Variants in TRHDE observed in about 807,000 individuals in gnomAD.
TRHDE encodes thyrotropin-releasing hormone-degrading ectoenzyme.
TRHDE carries 72 observed loss-of-function variants against 125.7 expected under a neutral mutation model. The ratio of observed to expected loss-of-function variants is 0.57; its 90% CI spans 0.47 to 0.70. TRHDE has a LOEUF of 0.70. TRHDE is among the 30% of genes least tolerant of loss of function. TRHDE has a pLI of 0.00. For synonymous variants in TRHDE, 509 were observed against 509.1 expected (o/e 1.00, Z 0.00); for missense variants, 1,110 against 1,327.1 (o/e 0.84, Z 2.54).
At position 72,092,802 on chromosome 12, in the gene TRHDE, AC is replaced by A. The variant is rs1373126626; in HGVS notation, n.174+5364del. 2.0e-5 allele frequency among the ~76,000 whole-genome samples: 3 copies of A among 152,350 alleles called. No individual in the cohort carries two copies. In the South Asian group the frequency reaches 6.2e-4, roughly 32 times the overall value. On this transcript the variant is annotated intron_variant and non_coding_transcript_variant, in intron 1 of 4. Coordinates refer to the TRHDE transcript ENST00000548156. ...AGGTGACTATTGCTGGAAGAAAGGTACTAAAAATACTCTACAGTTAATGATT... is the reference window on the plus strand; with the variant it reads ...AGGTGACTATTGCTGGAAGAAAGGTATAAAAATACTCTACAGTTAATGATT...
intron 2 of TRHDE, among the ~76,000 whole-genome samples, chr12:72,345,325 T>C (rs1307557047): frequency 1.3e-5 from 2 of 152,138 alleles, no homozygotes; most frequent in Non-Finnish European, 2.9e-5. Flanking sequence ...ATGGTGTATA[T>C]ACTCACACTA....
chr12:72,451,010 G>A (rs1875543586), intron 3 of TRHDE, among the ~76,000 whole-genome samples: 1 of 152,022 alleles, frequency 6.6e-6, no homozygotes, highest in African/African-American at 2.4e-5. Context: ...TTTCACTATT[G>A]AGTTGTTTGA....
intron 2 of TRHDE, among the ~76,000 whole-genome samples, chr12:72,345,162 A>T (rs554814279): frequency 2.0e-5 from 3 of 152,280 alleles, no homozygotes; most frequent in Non-Finnish European, 4.4e-5. Context: ...ATGTTTTCTC[A>T]TTTTTTGTAT....
intron 2 of TRHDE, among the ~76,000 whole-genome samples, chr12:72,251,049 A>G (rs1326106611): frequency 6.6e-6 from 1 of 151,748 alleles, no homozygotes; most frequent in Non-Finnish European, 1.5e-5. Flanking sequence ...GTTTCTCCCA[A>G]TGCTAACATC....
chr12:72,163,641 T>G (rs1214824398), intron 2 of TRHDE, among the ~76,000 whole-genome samples: 1 of 152,206 alleles, frequency 6.6e-6, no homozygotes, highest in Non-Finnish European at 1.5e-5. Flanking sequence ...AGGCTGAGCA[T>G]CTGAGAGTAT....
chr12:72,563,203 T>C (rs1870267863), intron 9 of TRHDE, among the ~76,000 whole-genome samples, 163 bp downstream of exon 9: 1 of 152,152 alleles, frequency 6.6e-6, no homozygotes. Context: ...TTTACTCCCA[T>C]TTCCTGGATA....
intron 15 of TRHDE, among the ~76,000 whole-genome samples, chr12:72,629,908 A>C (rs1873410321): frequency 6.6e-6 from 1 of 151,534 alleles, no homozygotes; most frequent in South Asian, 2.1e-4. Flanking sequence ...ACTCTATTTC[A>C]AAATAAAAAT....
At chr12:72,496,159 C>T (rs944966239) in intron 5 of TRHDE, among the ~76,000 whole-genome samples, 10 of 152,258 alleles carry the variant, frequency 6.6e-5, no homozygotes, top group East Asian at 5.8e-4. Context: ...CATTTCAACA[C>T]GCATGTGTAC....
At chr12:72,139,292 T>G (rs1225893192) in intron 2 of TRHDE, among the ~76,000 whole-genome samples, 2 of 152,162 alleles carry the variant, frequency 1.3e-5, no homozygotes, top group African/African-American at 4.8e-5. Flanking sequence ...GTAAAATGGC[T>G]TTTAAGGGTA....
intron 2 of TRHDE, among the ~76,000 whole-genome samples, chr12:72,134,333 A>G (rs2139309941): frequency 6.6e-6 from 1 of 152,036 alleles, no homozygotes; most frequent in South Asian, 2.1e-4. Context: ...CCGGCTGGAG[A>G]AAAAAAAGTT....
At chr12:72,659,386 C>A (rs1874828278) in intron 18 of TRHDE, among the ~76,000 whole-genome samples, 1 of 152,130 alleles carries the variant, frequency 6.6e-6, no homozygotes, top group African/African-American at 2.4e-5. Context: ...GACTATTAAC[C>A]AGTCCTTTCA....
intron 3 of TRHDE, among the ~76,000 whole-genome samples, chr12:72,430,326 CAT>C (rs1565738209): frequency 7.1e-6 from 1 of 140,764 alleles, no homozygotes; most frequent in African/African-American, 2.6e-5. Flanking sequence ...TACATGTATA[CAT>C]ATATACATGT....
At chr12:72,428,425 A>C (rs10784970) in intron 3 of TRHDE, among the ~76,000 whole-genome samples, 56,116 of 151,862 alleles carry the variant, frequency 0.37, 12,011 homozygotes, top group African/African-American at 0.57. Context: ...TATTTATGTA[A>C]TTGCTGAAAG....
chr12:72,516,365 T>A (rs1280433273), intron 6 of TRHDE, among the ~76,000 whole-genome samples: 1 of 152,228 alleles, frequency 6.6e-6, no homozygotes, highest in Non-Finnish European at 1.5e-5. Context: ...TTCACATCCC[T>A]TGTAAGTTCA....
At chr12:72,324,037 T>G (rs915419454) in intron 2 of TRHDE, among the ~76,000 whole-genome samples, 1 of 152,104 alleles carries the variant, frequency 6.6e-6, no homozygotes, top group African/African-American at 2.4e-5. Context: ...GATGCCAGTT[T>G]GTTCAACACT....
rs1875021085 is a variant in TRHDE at position 72,099,612 on chromosome 12, C to T, written n.175-6036C>T. Among the ~76,000 whole-genome samples, 4 of 152,084 alleles carry T rather than the reference C, an allele frequency of 2.6e-5. No individual in the cohort carries two copies. In the South Asian group the frequency reaches 8.3e-4, roughly 32 times the overall value. Reference sequence around the variant, plus strand: ...CCAGCCTTCATATCTCTCTTATTAGCATGTGGAATTTTTAGTGATAATTGG... The same window carrying T: ...CCAGCCTTCATATCTCTCTTATTAGTATGTGGAATTTTTAGTGATAATTGG... On this transcript the variant is annotated intron_variant and non_coding_transcript_variant, in intron 1 of 4. Coordinates refer to the TRHDE transcript ENST00000548156.
At chr12:72,280,583 T>G (rs1297744886) in intron 1 of TRHDE, among the ~76,000 whole-genome samples, 1 of 152,138 alleles carries the variant, frequency 6.6e-6, no homozygotes, top group Non-Finnish European at 1.5e-5. Flanking sequence ...AGAAAGGTTG[T>G]GGTATTTCAG....
intron 2 of TRHDE, among the ~76,000 whole-genome samples, chr12:72,111,818 A>G (rs1261723646): frequency 1.3e-5 from 2 of 152,098 alleles, no homozygotes; most frequent in African/African-American, 2.4e-5. Context: ...TTTCATTCAG[A>G]TGGGTCCCCT....
chr12:72,510,082 C>T (rs1426537485), intron 6 of TRHDE, among the ~76,000 whole-genome samples: 1 of 152,154 alleles, frequency 6.6e-6, no homozygotes, highest in African/African-American at 2.4e-5. Context: ...GGACCCCCTT[C>T]TGTGAGCTCA....
Sources: allele counts gnomAD v4.1 joint callset (sites outside exome capture counted in the v4.1 genomes callset), GRCh38; gene constraint gnomAD v4.1.1; transcripts MANE v1.5; gene names NCBI Gene and HGNC (gene_info 2026-07-23, HGNC 2026-07-21).